The following ANO3 variants were observed in gnomAD, a reference collection of about 807,000 sequenced individuals.
The protein encoded by ANO3 is anoctamin-3.
A neutral mutation model predicts 144.8 loss-of-function variants in ANO3; 99 were observed. That is an observed-to-expected ratio of 0.68 (90% CI 0.58 to 0.81). The LOEUF (loss-of-function observed/expected upper bound fraction) is 0.81. Ranked by LOEUF, ANO3 falls within the 30% of genes least tolerant of loss-of-function variation. The probability of loss-of-function intolerance (pLI) is 0.00; values close to 1 mark genes in which losing one functional copy is unlikely to be tolerated. For synonymous variants in ANO3, 414 were observed against 392.6 expected, an observed-to-expected ratio of 1.05 and a Z score of -0.64; for missense variants, 905 against 1,202.2, an observed-to-expected ratio of 0.75 and a Z score of 3.66.
chr11:26,541,906 T>TA, intron 10 of ANO3, 41 bp from the exon 11 acceptor site: 3 of 1,575,926 alleles, frequency 1.9e-6, no homozygotes, highest in Non-Finnish European at 2.6e-6. Context: ...AAAATTTCAC[T>TA]AAAAAATAGA....
chr11:26,620,631 C>A (rs1852387443), intron 17 of ANO3, among the ~76,000 whole-genome samples: 1 of 152,146 alleles, frequency 6.6e-6, no homozygotes, highest in African/African-American at 2.4e-5. Flanking sequence ...AAAGTCCTAT[C>A]TACATTTGGC....
At chr11:26,599,105 C>G in intron 16 of ANO3, 107 bp downstream of exon 16, 1 of 1,187,556 alleles carries the variant, frequency 8.4e-7, no homozygotes, top group South Asian at 1.4e-5. Context: ...AAACCTTATT[C>G]TTTCCAACAA....
At chr11:26,234,852 A>G (rs892009433) in intron 1 of ANO3, among the ~76,000 whole-genome samples, 6 of 132,052 alleles carry the variant, frequency 4.5e-5, no homozygotes, top group Non-Finnish European at 8.6e-5. Flanking sequence ...TGTGAGCTGG[A>G]GAAACAGAAA....
intron 1 of ANO3, among the ~76,000 whole-genome samples, chr11:26,291,724 T>C (rs2133854320): frequency 6.6e-6 from 1 of 152,370 alleles, no homozygotes; most frequent in Non-Finnish European, 1.5e-5. Context: ...TTTAAGAATG[T>C]TGAATATTGG....
chr11:26,496,974 GTA>G (rs71047855), intron 4 of ANO3, among the ~76,000 whole-genome samples: 13,358 of 136,454 alleles, frequency 0.098, 751 homozygotes, highest in Admixed American at 0.15. Context: ...AATGTTGTGT[GTA>G]TATATATATA....
chr11:26,578,949 G>A (rs559786658), intron 14 of ANO3, among the ~76,000 whole-genome samples: 18 of 152,122 alleles, frequency 1.2e-4, no homozygotes, highest in Non-Finnish European at 2.2e-4. Context: ...GAGATGAAGC[G>A]TACTGTTATA....
intron 20 of ANO3, among the ~76,000 whole-genome samples, chr11:26,638,228 A>G (rs1853029018): frequency 6.6e-6 from 1 of 152,142 alleles, no homozygotes; most frequent in South Asian, 2.1e-4. Context: ...AGAAAAAGGG[A>G]AAAATGAGCA....
At chr11:26,403,246 A>G (rs191848513) in intron 1 of ANO3, among the ~76,000 whole-genome samples, 12 of 152,028 alleles carry the variant, frequency 7.9e-5, no homozygotes, top group Non-Finnish European at 1.8e-4. Context: ...TTTCCCTAAG[A>G]CAGCACATAA....
At chr11:26,459,447 A>AAAGACAGTT (rs1859292349) in intron 3 of ANO3, among the ~76,000 whole-genome samples, 1 of 152,074 alleles carries the variant, frequency 6.6e-6, no homozygotes, top group African/African-American at 2.4e-5. Flanking sequence ...GCTATAATTT[A>AAAGACAGTT]AAGACAGTTT....
In ANO3 at chr11:26,442,127, C is replaced by G. The variant is rs1167994488; in HGVS notation, c.241+15C>G. The G allele has an allele frequency of 6.2e-7, 1 of 1,601,998 alleles. No individual in the cohort carries two copies. The highest frequency in any genetic ancestry group is 1.7e-5 in the Admixed American group (1 of 57,360). ...AGCAGAGCAAGGTGAGCAGCAATTC[C>G]TATTTTCTTGTTCAATTTATAAAAA... On this transcript the variant is annotated intron_variant, in intron 2 of 26. Transcript: ENST00000256737.
At chr11:26,594,543 C>CAT (rs1236856247) in intron 14 of ANO3, among the ~76,000 whole-genome samples, 4 of 152,178 alleles carry the variant, frequency 2.6e-5, no homozygotes, top group African/African-American at 4.8e-5. Flanking sequence ...GAAAAAGGTA[C>CAT]ATGCACTCTG....
At chr11:26,518,558 G>C (rs992918636) in intron 6 of ANO3, among the ~76,000 whole-genome samples, 2 of 150,172 alleles carry the variant, frequency 1.3e-5, no homozygotes, top group African/African-American at 4.9e-5. Flanking sequence ...CAACTTTTCA[G>C]ACTCCACTTT....
In ANO3 at chr11:26,656,385, C is replaced by T; in HGVS notation, c.2667C>T (p.Asp889=). 6.2e-7 allele frequency: 1 copy of T among 1,601,290 alleles called. No individual in the cohort carries two copies. The highest frequency in any genetic ancestry group is 8.6e-7 in the Non-Finnish European group (1 of 1,168,464). ...TTTTTGTGGATTTCAGGTACAGAGA[C>T]TACAGAGGCCCGCCCTGGAGTTCCA... ...MGKSGYCRYR[D]YRGPPWSSKP... Residue 889 remains aspartate (D), a synonymous_variant, in exon 26 of 27, where the codon GAC becomes GAT. Transcript: ENST00000256737.
At chr11:26,417,969 GA>G (rs1857640892) in intron 1 of ANO3, among the ~76,000 whole-genome samples, 1 of 151,976 alleles carries the variant, frequency 6.6e-6, no homozygotes, top group Admixed American at 6.6e-5. Flanking sequence ...TGAACTGGTT[GA>G]AAAAAGTATG....
intron 1 of ANO3, among the ~76,000 whole-genome samples, chr11:26,269,237 C>T (rs1853384459): frequency 1.3e-5 from 2 of 152,312 alleles, no homozygotes; most frequent in Admixed American, 1.3e-4. Flanking sequence ...CAGCTCTACT[C>T]AGTGGCCTCT....
upstream of ANO3, among the ~76,000 whole-genome samples, chr11:26,329,518 G>T (rs1205881139): frequency 1.3e-5 from 2 of 152,064 alleles, no homozygotes; most frequent in Admixed American, 1.3e-4. Flanking sequence ...AACCTAAAAT[G>T]TTTCTAATTT....
chr11:26,477,559 A>C (rs767373709), intron 4 of ANO3, among the ~76,000 whole-genome samples: 11 of 152,126 alleles, frequency 7.2e-5, no homozygotes, highest in Non-Finnish European at 1.0e-4. Flanking sequence ...CACAAATTGC[A>C]ATTACATGTC....
At chr11:26,343,929 T>C (rs569672843) in intron 1 of ANO3, among the ~76,000 whole-genome samples, 2 of 152,314 alleles carry the variant, frequency 1.3e-5, no homozygotes, top group African/African-American at 4.8e-5. Flanking sequence ...TCTTAACACA[T>C]TCTAACATGA....
At chr11:26,332,015 G>T (rs569896596), upstream of ANO3, 3 of 1,050,728 alleles carry the variant, frequency 2.9e-6, no homozygotes, top group South Asian at 1.7e-5. Flanking sequence ...CCCTCACTGT[G>T]GCACTGGACG....
Sources: gnomAD v4.1 joint callset for allele counts (sites outside exome capture counted in the v4.1 genomes callset) on GRCh38, gnomAD v4.1.1 for gene constraint, MANE v1.5 for transcripts, NCBI Gene and HGNC (gene_info 2026-07-23, HGNC 2026-07-21) for gene names.